The following IGLL5 variants were observed in gnomAD, a reference collection of about 807,000 sequenced individuals.
IGLL5 encodes the protein immunoglobulin lambda-like polypeptide 5.
Under a neutral mutation model 20.9 loss-of-function variants are expected in IGLL5, and 30 were observed. The observed-to-expected ratio is 1.44, with a 90% CI of 1.07 to 1.95. The LOEUF is 1.95. IGLL5 is among the 30% of genes most tolerant of loss of function. IGLL5 has a pLI of 0.00. For synonymous variants in IGLL5, 203 were observed against 117.3 expected (o/e 1.73, Z -4.72); for missense variants, 475 against 270.7 (o/e 1.75, Z -5.30).
At chr22:22,894,834 G>C (rs2066700915) in intron 2 of IGLL5, among the ~76,000 whole-genome samples, 2 of 151,468 alleles carry the variant, frequency 1.3e-5, no homozygotes, top group African/African-American at 2.4e-5. Context: ...TGCCAGGAGA[G>C]CCAAGTGGGC....
intron 1 of IGLL5, among the ~76,000 whole-genome samples, chr22:22,890,182 A>C (rs1442183111): frequency 6.7e-6 from 1 of 149,760 alleles, no homozygotes; most frequent in African/African-American, 2.5e-5. Flanking sequence ...AAAAAAGATT[A>C]AGCAGAGAAG....
At chr22:22,888,594 G>A (rs1338943399) in intron 1 of IGLL5, among the ~76,000 whole-genome samples, 2 of 151,250 alleles carry the variant, frequency 1.3e-5, no homozygotes, top group African/African-American at 4.9e-5. Context: ...AGGGGGTGGT[G>A]GCCACTGTCC....
chr22:22,894,645 G>C (rs963981780), intron 2 of IGLL5, among the ~76,000 whole-genome samples: 6 of 150,364 alleles, frequency 4.0e-5, no homozygotes, highest in Non-Finnish European at 8.9e-5. Context: ...GCTACCAGGT[G>C]AAGTTTGGGG....
At position 22,889,510 on chromosome 22, in the gene IGLL5, A is replaced by T. The variant is rs191270710; in HGVS notation, c.206+1251A>T. 5.3e-5 allele frequency among the ~76,000 whole-genome samples: 8 copies of T among 151,354 alleles called. 1 individual carries two copies. The East Asian group carries it at 6.1e-4, about 11-fold the overall frequency. ...TAACAAGGGTGGTTAGCTCAGCATT[A>T]TTAGTGATGGGAGAAAACTGGAAAA... is the stretch of plus-strand genomic sequence containing the variant. On this transcript the variant is annotated intron_variant, in intron 1 of 2. Transcript: ENST00000526893.
intron 2 of IGLL5, among the ~76,000 whole-genome samples, chr22:22,894,296 C>T (rs2068012802): frequency 6.6e-6 from 1 of 151,186 alleles, no homozygotes; most frequent in Admixed American, 6.6e-5. Flanking sequence ...GCCACACGGC[C>T]TGGTGACACA....
chr22:22,888,643 T>C lies in IGLL5; in HGVS notation c.206+384T>C, dbSNP rs143964257. On this transcript the variant is annotated intron_variant, in intron 1 of 2. Transcript: ENST00000526893. ...AGGCCTGTTCCTCCCCCTCCTCCTCTCTGCCCATGTGCCTCCTGCCCAGTG... is the reference window on the plus strand; with the variant it reads ...AGGCCTGTTCCTCCCCCTCCTCCTCCCTGCCCATGTGCCTCCTGCCCAGTG... 2.0e-5 allele frequency among the ~76,000 whole-genome samples: 3 copies of C among 151,118 alleles called. 1 individual carries two copies. The highest frequency in any genetic ancestry group is 6.6e-5 in the Admixed American group (1 of 15,122).
At chr22:22,889,035 C>T (rs538021037) in intron 1 of IGLL5, among the ~76,000 whole-genome samples, 5 of 151,368 alleles carry the variant, frequency 3.3e-5, no homozygotes, top group South Asian at 2.1e-4. Context: ...AGGGTCCGTG[C>T]ACCATTCCCA....
intron 2 of IGLL5, among the ~76,000 whole-genome samples, chr22:22,894,131 G>T (rs781014393): frequency 6.6e-6 from 1 of 151,514 alleles, no homozygotes; most frequent in East Asian, 2.0e-4. Context: ...GGGCCCTGCA[G>T]TGTCCTTAGG....
intron 2 of IGLL5, among the ~76,000 whole-genome samples, chr22:22,894,727 G>A (rs1370333604): frequency 1.3e-5 from 2 of 151,404 alleles, no homozygotes; most frequent in South Asian, 2.1e-4. Context: ...CCCAGGAACA[G>A]CTGAGGTGAA....
At chr22:22,888,285 T>G (rs533934612) in intron 1 of IGLL5, 26 bp downstream of exon 1, 3 of 1,542,094 alleles carry the variant, frequency 1.9e-6, no homozygotes, top group East Asian at 2.5e-5. Flanking sequence ...TTCCAGGGGA[T>G]GTGGGGGTCC....
Position 22,895,785 on chromosome 22 carries a change from C to T in IGLL5, c.*91C>T, listed in dbSNP as rs2066755327. On this transcript the variant is annotated 3_prime_UTR_variant, in exon 3 of 3. Coordinates refer to ENST00000526893, the MANE Select transcript of IGLL5 (RefSeq NM_001178126.2). ...CCCCATCCCAAGTCATCCAGCCCTT[C>T]TCCCTGCACTCATGAAACCCCAATA... 2 of 1,162,336 alleles carry T rather than the reference C, an allele frequency of 1.7e-6. No homozygotes were observed. The highest frequency in any genetic ancestry group is 2.6e-6 in the Non-Finnish European group (2 of 774,032). The allele number at this position is 1,162,336 out of a possible 1,614,324, so 72.0% of individuals were successfully genotyped here.
intron 1 of IGLL5, 58 bp downstream of exon 1, chr22:22,888,317 T>C (rs2067581366): frequency 4.0e-6 from 6 of 1,500,562 alleles, no homozygotes; most frequent in African/African-American, 1.4e-5. Context: ...TGGGAAAGGG[T>C]GACCAAGGGG....
chr22:22,890,014 A>G (rs2067769158), intron 1 of IGLL5, among the ~76,000 whole-genome samples: 2 of 150,720 alleles, frequency 1.3e-5, no homozygotes, highest in Admixed American at 6.7e-5. Context: ...TGGCTTTATA[A>G]TTTTCTGGTT....
At chr22:22,894,225 G>A (rs146230936) in intron 2 of IGLL5, among the ~76,000 whole-genome samples, 17 of 151,274 alleles carry the variant, frequency 1.1e-4, no homozygotes, top group South Asian at 6.3e-4. Context: ...GTCTAGGGGA[G>A]CAGCCCCAAG....
At chr22:22,894,105 G>A (rs550864163) in intron 2 of IGLL5, among the ~76,000 whole-genome samples, 1 of 151,524 alleles carries the variant, frequency 6.6e-6, no homozygotes, top group Admixed American at 6.6e-5. Flanking sequence ...GAGGGACAGA[G>A]GCTGGTTCTG....
rs765895204 is a variant in IGLL5 at position 22,895,562 on chromosome 22, C to T, written c.513C>T (p.Asn171=). The T allele has an allele frequency of 1.2e-6, 2 of 1,613,120 alleles. No homozygotes were observed. The highest frequency in any genetic ancestry group is 1.1e-5 in the South Asian group (1 of 91,032). ...VETTKPSKQS[N]NKYAASSYLS... Reference sequence around the variant, plus strand: ...CCACCAAACCCTCCAAACAGAGCAACAACAAGTACGCGGCCAGCAGCTACC... The same window carrying T: ...CCACCAAACCCTCCAAACAGAGCAATAACAAGTACGCGGCCAGCAGCTACC... Residue 171 remains asparagine (N), a synonymous_variant, in exon 3 of 3, where the codon AAC becomes AAT. Transcript: ENST00000526893.
intron 1 of IGLL5, among the ~76,000 whole-genome samples, chr22:22,889,470 G>C (rs189328683): frequency 1.3e-5 from 2 of 151,314 alleles, no homozygotes; most frequent in Admixed American, 6.6e-5. Flanking sequence ...AATCAAAGCT[G>C]TAACCAAATC....
Position 22,888,273 on chromosome 22 carries a change from G to A in IGLL5, c.206+14G>A, listed in dbSNP as rs752869637. 10 of 1,545,890 alleles carry A rather than the reference G, an allele frequency of 6.5e-6. 1 individual carries two copies. In the East Asian group the frequency reaches 7.4e-5, roughly 11 times the overall value. ...CCTGTGGGGCAGGTAAGGGGCAAGA[G>A]ATTCCAGGGGATGTGGGGGTCCTGC... is the stretch of plus-strand genomic sequence containing the variant. On this transcript the variant is annotated intron_variant, in intron 1 of 2. Coordinates refer to ENST00000526893, the MANE Select transcript of IGLL5 (RefSeq NM_001178126.2).
chr22:22,887,891 G>C lies in IGLL5; in HGVS notation c.-163G>C. The C allele has an allele frequency of 1.5e-6, 1 of 679,910 alleles. No individual in the cohort carries two copies. The highest frequency in any genetic ancestry group is 1.8e-5 in the African/African-American group (1 of 56,314). The allele number at this position is 679,910 out of a possible 1,614,324, so 42.1% of individuals were successfully genotyped here. A position where few individuals can be genotyped will look rare whatever the true frequency, so the allele number is the denominator to read the frequency against. ...GGGTGACAGCCATGGACCCTGGAAG[G>C]GCCTGGGCTAGGGACAGGGACCAGA... On this transcript the variant is annotated 5_prime_UTR_variant, in exon 1 of 3. Coordinates refer to ENST00000526893, the MANE Select transcript of IGLL5 (RefSeq NM_001178126.2).
Sources: gnomAD v4.1 joint callset for allele counts (sites outside exome capture counted in the v4.1 genomes callset) on GRCh38, gnomAD v4.1.1 for gene constraint, MANE v1.5 for transcripts, NCBI Gene and HGNC (gene_info 2026-07-23, HGNC 2026-07-21) for gene names.